RUNDC3B: variants seen among roughly 807,000 people sequenced by gnomAD.
RUNDC3B encodes the protein RUN domain containing 3B.
In RUNDC3B, 33 loss-of-function variants were observed where a neutral mutation model predicts 58.4. That is an observed-to-expected ratio of 0.56 (90% confidence interval 0.43 to 0.75). RUNDC3B has a LOEUF of 0.75. Among genes scored for constraint, RUNDC3B ranks in the 30% least tolerant of loss-of-function variants. The pLI is 0.00. For synonymous variants in RUNDC3B, 193 were observed against 195.2 expected (o/e 0.99, Z 0.10); for missense variants, 501 against 535.7 (o/e 0.94, Z 0.64).
intron 4 of RUNDC3B, among the ~76,000 whole-genome samples, chr7:87,724,643 AT>A (rs1270597674): frequency 6.6e-6 from 1 of 152,034 alleles, no homozygotes; most frequent in African/African-American, 2.4e-5. Context: ...AATGAATTTC[AT>A]TTTGGCATCC....
chr7:87,796,392 A>G (rs1484753043), intron 8 of RUNDC3B, among the ~76,000 whole-genome samples: 1 of 152,148 alleles, frequency 6.6e-6, no homozygotes, highest in African/African-American at 2.4e-5. Flanking sequence ...AAGACCTAGT[A>G]TTTGATAGTA....
intron 6 of RUNDC3B, among the ~76,000 whole-genome samples, chr7:87,754,942 C>CAAA (rs1833276827): frequency 1.0e-5 from 1 of 96,652 alleles, no homozygotes; most frequent in African/African-American, 4.3e-5. Context: ...AGCTTACCAA[C>CAAA]CAAAAAAAAA....
intron 2 of RUNDC3B, chr7:87,694,085 T>A: frequency 6.7e-7 from 1 of 1,500,448 alleles, no homozygotes; most frequent in Non-Finnish European, 8.8e-7. Context: ...AAAGCCTTCT[T>A]TTTTGTGTGT....
At chr7:87,776,480 A>C (rs1834635151) in intron 7 of RUNDC3B, among the ~76,000 whole-genome samples, 1 of 152,144 alleles carries the variant, frequency 6.6e-6, no homozygotes, top group Non-Finnish European at 1.5e-5. Flanking sequence ...GTTTAAGATG[A>C]CACATATTTG....
intron 2 of RUNDC3B, among the ~76,000 whole-genome samples, chr7:87,663,382 G>A (rs1824907992): frequency 6.6e-6 from 1 of 151,546 alleles, no homozygotes; most frequent in Non-Finnish European, 1.5e-5. Context: ...TTCTTCCCCT[G>A]TTTTCTCTCT....
chr7:87,690,871 T>C (rs1827948427), intron 2 of RUNDC3B, among the ~76,000 whole-genome samples: 2 of 152,104 alleles, frequency 1.3e-5, no homozygotes, highest in Admixed American at 1.3e-4. Flanking sequence ...TTTTCCATAT[T>C]CCATCTTGGT....
At chr7:87,764,965 T>G (rs1457606445) in intron 6 of RUNDC3B, among the ~76,000 whole-genome samples, 2 of 151,862 alleles carry the variant, frequency 1.3e-5, no homozygotes, top group African/African-American at 4.8e-5. Flanking sequence ...TTTTTTTAAT[T>G]ACTGGTTCAT....
intron 2 of RUNDC3B, among the ~76,000 whole-genome samples, chr7:87,658,822 A>G (rs1031190138): frequency 1.2e-4 from 19 of 152,162 alleles, no homozygotes; most frequent in African/African-American, 4.3e-4. Flanking sequence ...AACTAAGGAA[A>G]TGTGTTGCCG....
chr7:87,789,397 T>C (rs1209648409), intron 8 of RUNDC3B, among the ~76,000 whole-genome samples: 1 of 151,970 alleles, frequency 6.6e-6, no homozygotes, highest in Non-Finnish European at 1.5e-5. Flanking sequence ...TTTAGTGTAG[T>C]TCGTAGTGAG....
At chr7:87,743,737 T>G (rs1235028278) in intron 6 of RUNDC3B, among the ~76,000 whole-genome samples, 2 of 152,230 alleles carry the variant, frequency 1.3e-5, no homozygotes, top group African/African-American at 4.8e-5. Context: ...ATATATAGGT[T>G]GTGAAGATTT....
chr7:87,794,471 A>G (rs2130912018), intron 8 of RUNDC3B, among the ~76,000 whole-genome samples: 1 of 152,174 alleles, frequency 6.6e-6, no homozygotes, highest in African/African-American at 2.4e-5. Flanking sequence ...TAAAACACTA[A>G]TGAAAGAAAT....
chr7:87,813,596 A>C (rs560342598), intron 9 of RUNDC3B, among the ~76,000 whole-genome samples: 10 of 152,166 alleles, frequency 6.6e-5, no homozygotes, highest in Non-Finnish European at 1.5e-4. Context: ...CCTCCTACCT[A>C]TTGGGCACAA....
At chr7:87,823,561 A>G (rs552982300) in intron 10 of RUNDC3B, among the ~76,000 whole-genome samples, 1 of 151,950 alleles carries the variant, frequency 6.6e-6, no homozygotes, top group East Asian at 1.9e-4. Flanking sequence ...CTTTTATCCC[A>G]CATCCCCTTC....
At chr7:87,694,662 C>A (rs551498083) in intron 2 of RUNDC3B, among the ~76,000 whole-genome samples, 1 of 152,070 alleles carries the variant, frequency 6.6e-6, no homozygotes, top group Admixed American at 6.6e-5. Context: ...TTCAGGAGTA[C>A]GCATTTATGT....
chr7:87,681,371 A>C (rs1035662520), intron 2 of RUNDC3B, among the ~76,000 whole-genome samples: 1 of 150,590 alleles, frequency 6.6e-6, no homozygotes, highest in African/African-American at 2.5e-5. Context: ...ATATTACAAG[A>C]AAAGGAAACT....
intron 6 of RUNDC3B, among the ~76,000 whole-genome samples, chr7:87,752,217 G>T (rs999879074): frequency 8.4e-4 from 128 of 152,254 alleles, no homozygotes; most frequent in African/African-American, 2.9e-3. Context: ...GCATCCCAGG[G>T]ATGAAGCCCA....
At chr7:87,744,110 T>A (rs1294699078) in intron 6 of RUNDC3B, among the ~76,000 whole-genome samples, 2 of 152,182 alleles carry the variant, frequency 1.3e-5, no homozygotes, top group African/African-American at 4.8e-5. Context: ...TTGTCGTAGA[T>A]CAGTTGGCTG....
intron 9 of RUNDC3B, among the ~76,000 whole-genome samples, chr7:87,815,069 CTAAAG>C (rs1005550229): frequency 2.7e-4 from 41 of 151,856 alleles, no homozygotes; most frequent in African/African-American, 9.0e-4. Context: ...TATTCAGTTA[CTAAAG>C]TAAATTCTTT....
chr7:87,665,658 G>A (rs950932019), intron 2 of RUNDC3B, among the ~76,000 whole-genome samples: 11 of 152,028 alleles, frequency 7.2e-5, no homozygotes, highest in Non-Finnish European at 1.6e-4. Flanking sequence ...AGCATAGTAC[G>A]TGAAAGGTAG....
Sources: gnomAD v4.1 joint callset for allele counts (sites outside exome capture counted in the v4.1 genomes callset) on GRCh38, gnomAD v4.1.1 for gene constraint, MANE v1.5 for transcripts, NCBI Gene and HGNC (gene_info 2026-07-23, HGNC 2026-07-21) for gene names.